PGCKA1: variants seen among roughly 807,000 people sequenced by gnomAD.
PGCKA1 encodes the protein PDCD10 and GCKIII kinases associated 1.
the PGCKA1 span, among the ~76,000 whole-genome samples, chr4:37,493,626 C>G: frequency 1.3e-5 from 2 of 152,132 alleles, no homozygotes; most frequent in African/African-American, 4.8e-5. Flanking sequence ...TTGAAACTGC[C>G]AATAATATCA....
At chr4:37,577,928 AT>A in the PGCKA1 span, among the ~76,000 whole-genome samples, 1 of 152,106 alleles carries the variant, frequency 6.6e-6, no homozygotes, top group Non-Finnish European at 1.5e-5. Context: ...TATCATTTCA[AT>A]TTTTTTGAAT....
the PGCKA1 span, among the ~76,000 whole-genome samples, chr4:37,527,097 T>TA: frequency 9.8e-5 from 13 of 132,566 alleles, no homozygotes; most frequent in African/African-American, 4.3e-4. Flanking sequence ...TTTTTTTAAT[T>TA]AAAAAAAATT....
chr4:37,552,817 C>A, the PGCKA1 span, among the ~76,000 whole-genome samples: 1 of 152,214 alleles, frequency 6.6e-6, no homozygotes. Context: ...TCATTCACCA[C>A]TTCAGAACCT....
chr4:37,515,165 C>G, the PGCKA1 span, among the ~76,000 whole-genome samples: 1 of 151,976 alleles, frequency 6.6e-6, no homozygotes, highest in East Asian at 1.9e-4. Flanking sequence ...AAAAGGGATC[C>G]CAGAGAGCTT....
the PGCKA1 span, among the ~76,000 whole-genome samples, chr4:37,554,417 T>G: frequency 0.24 from 36,805 of 151,966 alleles, 5,048 homozygotes; most frequent in East Asian, 0.47. Context: ...AGTGGTGCAA[T>G]GAGCTCGCTG....
chr4:37,476,742 C>T, the PGCKA1 span, among the ~76,000 whole-genome samples: 1 of 152,070 alleles, frequency 6.6e-6, no homozygotes, highest in African/African-American at 2.4e-5. Flanking sequence ...TGTATGTTAA[C>T]CTCTATGAGT....
chr4:37,474,764 C>T, the PGCKA1 span, among the ~76,000 whole-genome samples: 2 of 152,104 alleles, frequency 1.3e-5, no homozygotes, highest in Non-Finnish European at 1.5e-5. Flanking sequence ...TGGTACTTAG[C>T]GAAGGTCTGT....
the PGCKA1 span, among the ~76,000 whole-genome samples, chr4:37,593,360 G>T: frequency 6.6e-6 from 1 of 151,814 alleles, no homozygotes; most frequent in South Asian, 2.1e-4. Context: ...AATGACCCAC[G>T]TATCAATGAC....
chr4:37,551,014 T>A, the PGCKA1 span, among the ~76,000 whole-genome samples: 4 of 149,296 alleles, frequency 2.7e-5, no homozygotes, highest in African/African-American at 4.9e-5. Flanking sequence ...AATAGTACCA[T>A]AAAAAAAAAA....
chr4:37,523,509 T>C, the PGCKA1 span, among the ~76,000 whole-genome samples: 1 of 152,148 alleles, frequency 6.6e-6, no homozygotes, highest in Non-Finnish European at 1.5e-5. Flanking sequence ...GTTGTTAAAT[T>C]GGTGTCCCTG....
the PGCKA1 span, among the ~76,000 whole-genome samples, chr4:37,540,489 T>G: frequency 1.3e-5 from 2 of 152,252 alleles, no homozygotes; most frequent in Non-Finnish European, 2.9e-5. Flanking sequence ...TTCTTTTTTC[T>G]GTGGAGATTC....
At chr4:37,568,659 C>T in the PGCKA1 span, among the ~76,000 whole-genome samples, 76 of 152,266 alleles carry the variant, frequency 5.0e-4, 2 homozygotes, top group East Asian at 0.011. Context: ...GGCAGTATTG[C>T]GAAGAGCTAG....
the PGCKA1 span, among the ~76,000 whole-genome samples, chr4:37,583,809 G>A: frequency 6.6e-6 from 1 of 152,190 alleles, no homozygotes; most frequent in Non-Finnish European, 1.5e-5. Flanking sequence ...CTAAGAAGTG[G>A]TTGTGAAGGA....
chr4:37,560,398 C>T, the PGCKA1 span, among the ~76,000 whole-genome samples: 1 of 152,124 alleles, frequency 6.6e-6, no homozygotes, highest in Non-Finnish European at 1.5e-5. Flanking sequence ...TATACCTCAA[C>T]CTGGGACCAG....
At chr4:37,504,429 A>G in the PGCKA1 span, among the ~76,000 whole-genome samples, 2 of 147,322 alleles carry the variant, frequency 1.4e-5, no homozygotes, top group South Asian at 2.2e-4. Flanking sequence ...GTGGTCCCAT[A>G]TAAATTAAAA....
the PGCKA1 span, among the ~76,000 whole-genome samples, chr4:37,517,288 T>C: frequency 6.8e-6 from 1 of 147,756 alleles, no homozygotes; most frequent in Admixed American, 6.8e-5. Flanking sequence ...TATAAATATG[T>C]ATAAATATAA....
chr4:37,555,187 C>G, the PGCKA1 span, among the ~76,000 whole-genome samples: 1 of 152,164 alleles, frequency 6.6e-6, no homozygotes, highest in Admixed American at 6.5e-5. Flanking sequence ...CTACCAACCA[C>G]CTGGTAAGTT....
chr4:37,541,029 AC>A, the PGCKA1 span, among the ~76,000 whole-genome samples: 3 of 151,870 alleles, frequency 2.0e-5, no homozygotes, highest in Non-Finnish European at 4.4e-5. Flanking sequence ...GAAGTAAAAA[AC>A]ACCTGTCTGC....
the PGCKA1 span, among the ~76,000 whole-genome samples, chr4:37,574,185 C>T: frequency 7.3e-6 from 1 of 137,854 alleles, no homozygotes; most frequent in East Asian, 2.1e-4. Flanking sequence ...AAGACTCCAT[C>T]TCAAAAAAAA....
Sources: allele counts gnomAD v4.1 joint callset (sites outside exome capture counted in the v4.1 genomes callset), GRCh38; gene constraint gnomAD v4.1.1; transcripts MANE v1.5; gene names NCBI Gene and HGNC (gene_info 2026-07-23, HGNC 2026-07-21).